Variants in GCNT2 observed in about 807,000 individuals in gnomAD.
GCNT2 encodes the protein N-acetyllactosaminide beta-1,6-N-acetylglucosaminyl-transferase.
In GCNT2, 34 loss-of-function variants were observed where a neutral mutation model predicts 34.2. The ratio of observed to expected loss-of-function variants is 1.00; its 90% CI spans 0.76 to 1.32. The LOEUF is 1.32. Among genes scored for constraint, GCNT2 ranks in the 40% most tolerant of loss-of-function variants. The probability of loss-of-function intolerance (pLI) is 0.00; values close to 1 mark genes in which losing one functional copy is unlikely to be tolerated. For missense variants in GCNT2, 584 were observed against 489.4 expected, an observed-to-expected ratio of 1.19 and a Z score of -1.82; for synonymous variants, 212 against 188.0, an observed-to-expected ratio of 1.13 and a Z score of -1.04.
chr6:10,616,449 A>G (rs1247986190), intron 3 of GCNT2, among the ~76,000 whole-genome samples: 1 of 152,218 alleles, frequency 6.6e-6, no homozygotes, highest in Non-Finnish European at 1.5e-5. Flanking sequence ...CCCCACCCAC[A>G]TCCTGCTGAT....
chr6:10,607,142 T>A (rs939596546), intron 3 of GCNT2, among the ~76,000 whole-genome samples: 2 of 152,064 alleles, frequency 1.3e-5, no homozygotes, highest in Non-Finnish European at 2.9e-5. Context: ...GAGACGGGGT[T>A]TCACCATGTT....
chr6:10,595,144 A>C (rs375705686), intron 3 of GCNT2, among the ~76,000 whole-genome samples: 2 of 152,206 alleles, frequency 1.3e-5, no homozygotes, highest in Admixed American at 1.3e-4. Context: ...CTTACCCCTT[A>C]CATAACACTA....
At position 10,588,786 on chromosome 6, in the gene GCNT2, TGTGTG is replaced by T. The variant is rs1392513411; in HGVS notation, c.926-32564_926-32560del. On this transcript the variant is annotated intron_variant, in intron 3 of 4. Coordinates refer to ENST00000495262, the MANE Select transcript of GCNT2 (RefSeq NM_145649.5). ...TGGTGTGTTTGTAGTGTGTGTGTGA[TGTGTG>T]TGTGTGTGTGTGTGTGTGGTGTATG... Among the ~76,000 whole-genome samples, 7 of 30,962 alleles carry T rather than the reference TGTGTG, an allele frequency of 2.3e-4. No homozygotes were observed. The South Asian group carries it at 3.7e-3, about 16-fold the overall frequency. 20.3% of individuals were successfully genotyped at this position (30,962 alleles called of 152,430 possible).
chr6:10,550,496 T>TATC (rs974603067), intron 3 of GCNT2, among the ~76,000 whole-genome samples: 1 of 152,062 alleles, frequency 6.6e-6, no homozygotes, highest in African/African-American at 2.4e-5. Context: ...TGCAAATTAT[T>TATC]ATTATTATTA....
chr6:10,533,826 A>T (rs1434506079), intron 3 of GCNT2, among the ~76,000 whole-genome samples: 1 of 125,274 alleles, frequency 8.0e-6, no homozygotes, highest in South Asian at 3.0e-4. Context: ...AAAAAAAAAA[A>T]GAATGTATTT....
intron 3 of GCNT2, among the ~76,000 whole-genome samples, chr6:10,544,030 T>C (rs1363419853): frequency 6.6e-6 from 1 of 152,000 alleles, no homozygotes. Context: ...AATAAATAAA[T>C]GGGCCAGGCC....
At chr6:10,523,664 G>C (rs1392601324) in intron 1 of GCNT2, among the ~76,000 whole-genome samples, 3 of 151,758 alleles carry the variant, frequency 2.0e-5, no homozygotes, top group East Asian at 2.0e-4. Context: ...GATTGCTGTT[G>C]TCTTGACTCT....
intron 3 of GCNT2, among the ~76,000 whole-genome samples, chr6:10,578,103 G>A (rs1763901363): frequency 6.6e-6 from 1 of 152,040 alleles, no homozygotes; most frequent in Non-Finnish European, 1.5e-5. Flanking sequence ...AAGAGTAGAT[G>A]AAACTGGCCA....
At chr6:10,616,091 C>T (rs991515443) in intron 3 of GCNT2, among the ~76,000 whole-genome samples, 1 of 151,598 alleles carries the variant, frequency 6.6e-6, no homozygotes. Flanking sequence ...AGTTTGTTCC[C>T]TCTAATGTTT....
At chr6:10,600,493 T>A (rs575032341) in intron 3 of GCNT2, among the ~76,000 whole-genome samples, 1 of 152,278 alleles carries the variant, frequency 6.6e-6, no homozygotes, top group East Asian at 1.9e-4. Context: ...ACTACCGCCA[T>A]CAAGAACAAT....
At chr6:10,577,280 C>T (rs1763863013) in intron 3 of GCNT2, among the ~76,000 whole-genome samples, 1 of 152,212 alleles carries the variant, frequency 6.6e-6, no homozygotes, top group South Asian at 2.1e-4. Context: ...GGGGTGGGCT[C>T]TGCACTCAGA....
intron 3 of GCNT2, among the ~76,000 whole-genome samples, chr6:10,539,243 G>A (rs2113573915): frequency 7.2e-6 from 1 of 138,010 alleles, no homozygotes. Context: ...AGGCTGGAGT[G>A]CAGTGGTGCG....
At chr6:10,547,584 C>T (rs1184590556) in intron 3 of GCNT2, among the ~76,000 whole-genome samples, 2 of 152,276 alleles carry the variant, frequency 1.3e-5, no homozygotes, top group East Asian at 3.9e-4. Flanking sequence ...TATCACTTGG[C>T]TAAGATAGTG....
chr6:10,522,523 A>C (rs1168038949), intron 1 of GCNT2, among the ~76,000 whole-genome samples: 3 of 152,204 alleles, frequency 2.0e-5, no homozygotes, highest in Non-Finnish European at 1.5e-5. Context: ...TTCCAGAAGA[A>C]ATAGGGAGAC....
chr6:10,549,865 G>A (rs1439580381), intron 3 of GCNT2, among the ~76,000 whole-genome samples: 2 of 152,112 alleles, frequency 1.3e-5, no homozygotes, highest in Non-Finnish European at 2.9e-5. Flanking sequence ...TAGAGATGGT[G>A]TTTGGGAGAT....
At chr6:10,548,929 T>G (rs1762374010) in intron 3 of GCNT2, among the ~76,000 whole-genome samples, 1 of 152,166 alleles carries the variant, frequency 6.6e-6, no homozygotes, top group African/African-American at 2.4e-5. Flanking sequence ...CGGCTAATTT[T>G]TGTATTTTTA....
intron 3 of GCNT2, among the ~76,000 whole-genome samples, chr6:10,608,200 C>A (rs1013654180): frequency 1.3e-5 from 2 of 151,482 alleles, no homozygotes; most frequent in East Asian, 3.9e-4. Context: ...GCCTCAGTCT[C>A]CTGAGTAGCT....
Position 10,563,767 on chromosome 6 carries a change from AAAAAAAAAAAATAT to A in GCNT2, c.925+33933_925+33946del, listed in dbSNP as rs1268651595. ...AAAAAAAGAAAAAAGAAAAAAAAAA[AAAAAAAAAAAATAT>A]ATATATATATATATATATATATATA... On this transcript the variant is annotated intron_variant, in intron 3 of 4. Transcript: ENST00000495262. 1.2e-3 allele frequency among the ~76,000 whole-genome samples: 80 copies of A among 68,714 alleles called. 1 individual carries two copies. Among genetic ancestry groups the A allele is most frequent in the African/African-American group, 4.4e-3 (72 of 16,250 alleles). 45.1% of individuals were successfully genotyped at this position (68,714 alleles called of 152,430 possible). A position where few individuals can be genotyped will look rare whatever the true frequency, so the allele number is the denominator to read the frequency against.
chr6:10,548,028 A>C (rs1007363136), intron 3 of GCNT2, among the ~76,000 whole-genome samples: 1 of 152,190 alleles, frequency 6.6e-6, no homozygotes, highest in Non-Finnish European at 1.5e-5. Flanking sequence ...TCCTGCACTT[A>C]ACCTGCCCCA....
Sources: allele counts gnomAD v4.1 joint callset (sites outside exome capture counted in the v4.1 genomes callset), GRCh38; gene constraint gnomAD v4.1.1; transcripts MANE v1.5; gene names NCBI Gene and HGNC (gene_info 2026-07-23, HGNC 2026-07-21).